The following ZNF670 variants were observed in gnomAD, a reference collection of about 807,000 sequenced individuals.
ZNF670 encodes the protein zinc finger protein 670.
ZNF670 carries 7 observed loss-of-function variants against 10.9 expected under a neutral mutation model. The observed-to-expected ratio is 0.64, with a 90% CI of 0.36 to 1.20. The LOEUF is 1.20. Among genes scored for constraint, ZNF670 ranks in the 50% most tolerant of loss-of-function variants. The pLI, the probability that ZNF670 is intolerant of heterozygous loss-of-function variation, is 0.02. For missense variants in ZNF670, 446 were observed against 458.6 expected (o/e 0.97, Z 0.25); for synonymous variants, 136 against 152.7 (o/e 0.89, Z 0.81).
At chr1:247,058,635 G>T (rs1212485260) in intron 1 of ZNF670, among the ~76,000 whole-genome samples, 1 of 148,742 alleles carries the variant, frequency 6.7e-6, no homozygotes, top group African/African-American at 2.5e-5. Context: ...CCAAACAAGG[G>T]AGAAAGACAA....
intron 1 of ZNF670, among the ~76,000 whole-genome samples, chr1:247,044,382 T>C (rs185519147): frequency 6.6e-6 from 1 of 152,334 alleles, no homozygotes; most frequent in Admixed American, 6.5e-5. Flanking sequence ...TCAGCCATTG[T>C]GAAAAGCAGT....
At chr1:247,041,349 A>G (rs907935323) in intron 1 of ZNF670, among the ~76,000 whole-genome samples, 2 of 152,262 alleles carry the variant, frequency 1.3e-5, no homozygotes, top group Non-Finnish European at 2.9e-5. Context: ...AAGAATTAGT[A>G]TGAAGTGTAA....
intron 1 of ZNF670, among the ~76,000 whole-genome samples, chr1:247,066,917 T>A (rs572151832): frequency 1.3e-5 from 2 of 152,340 alleles, no homozygotes; most frequent in East Asian, 3.9e-4. Flanking sequence ...AGAACATTTT[T>A]AAAACTACCT....
chr1:247,039,488 C>T lies in ZNF670; in HGVS notation c.53G>A (p.Trp18Ter). 6.2e-7 allele frequency: 1 copy of T among 1,606,432 alleles called. No individual in the cohort carries two copies. Among genetic ancestry groups the T allele is most frequent in the Non-Finnish European group, 8.5e-7 (1 of 1,176,958 alleles). Residue 18 changes from tryptophan (W) to a stop codon, truncating the protein, a stop_gained, in exon 2 of 4, where the codon TGG (tryptophan) becomes TAG (stop). Transcript: ENST00000366503. LOFTEE classifies it high-confidence loss of function. Reference sequence around the variant, plus strand: ...CTTTTGAGAAGGATCCAGCAAAGCCCACTCCTCCTGAGTAAAGGCCACAGC... The same window carrying T: ...CTTTTGAGAAGGATCCAGCAAAGCCTACTCCTCCTGAGTAAAGGCCACAGC... ...DVAVAFTQEEWALLDPSQKNL... is the reference protein window; with the variant it reads ...DVAVAFTQEE
chr1:247,053,023 C>A (rs1276512945), intron 1 of ZNF670, among the ~76,000 whole-genome samples: 1 of 152,070 alleles, frequency 6.6e-6, no homozygotes, highest in Non-Finnish European at 1.5e-5. Flanking sequence ...TTTCCAGGGG[C>A]ACTATGGCTG....
intron 1 of ZNF670, among the ~76,000 whole-genome samples, chr1:247,071,910 T>C (rs1442014862): frequency 1.3e-5 from 2 of 151,246 alleles, no homozygotes; most frequent in Non-Finnish European, 2.9e-5. Flanking sequence ...CAGGCTGGAG[T>C]GCAGTGGTGC....
intron 1 of ZNF670, among the ~76,000 whole-genome samples, chr1:247,054,330 G>T (rs1263584403): frequency 6.6e-6 from 1 of 152,226 alleles, no homozygotes; most frequent in African/African-American, 2.4e-5. Context: ...CAGCTGGCAT[G>T]GCTAAGGGCT....
chr1:247,076,778 A>G (rs2103075816), intron 1 of ZNF670, among the ~76,000 whole-genome samples: 1 of 151,482 alleles, frequency 6.6e-6, no homozygotes, highest in Non-Finnish European at 1.5e-5. Context: ...CTCCTGCCTC[A>G]GCCTCCTGAG....
rs927080482 is a variant in ZNF670, at chr1:247,038,740, C to G, written c.191+70G>C. ...TTCTAGTGGTTCTTAGTTGTTTTGT[C>G]TGTTTTAAAAACTTATGACATGCTA... On this transcript the variant is annotated intron_variant, in intron 3 of 3. Transcript: ENST00000366503. 7.8e-5 allele frequency: 107 copies of G among 1,366,846 alleles called. No individual in the cohort carries two copies. The African/African-American group carries it at 1.4e-3, about 18-fold the overall frequency. The allele number at this position is 1,366,846 out of a possible 1,614,324, so 84.7% of individuals were successfully genotyped here. A position where few individuals can be genotyped will look rare whatever the true frequency, so the allele number is the denominator to read the frequency against.
At position 247,054,454 on chromosome 1, in the gene ZNF670, G is replaced by A. The variant is rs143164195; in HGVS notation, c.4-14917C>T. Among the ~76,000 whole-genome samples, 376 of 152,334 alleles carry A rather than the reference G, an allele frequency of 2.5e-3. 4 individuals carry two copies. Among genetic ancestry groups the A allele is most frequent in the Non-Finnish European group, 3.4e-3 (233 of 68,028 alleles). On this transcript the variant is annotated intron_variant, in intron 1 of 3. Transcript: ENST00000366503. ...AAAGAGGACTTTGTCTTGCAACTTT[G>A]ATAAGAGCTCAGCTCCAGTAGGATA...
intron 1 of ZNF670, among the ~76,000 whole-genome samples, chr1:247,072,813 T>C (rs1316361286): frequency 0.016 from 706 of 43,242 alleles, 64 homozygotes; most frequent in African/African-American, 0.091. Flanking sequence ...TGTATATATA[T>C]ATATATATAT....
Position 247,053,684 on chromosome 1 carries a change from C to T in ZNF670, c.4-14147G>A, listed in dbSNP as rs932075944. ...AACAAAAATGGCAGGATCACATGGT[C>T]TCTTTGCCAACTTGGGTCACATTCT... is the stretch of plus-strand genomic sequence containing the variant. On this transcript the variant is annotated intron_variant, in intron 1 of 3. Transcript: ENST00000366503. Among the ~76,000 whole-genome samples the T allele has an allele frequency of 2.0e-5, 3 of 152,158 alleles. No individual in the cohort carries two copies. The East Asian group carries it at 5.8e-4, about 29-fold the overall frequency.
At chr1:247,061,111 A>G (rs1270628785) in intron 1 of ZNF670, among the ~76,000 whole-genome samples, 1 of 152,148 alleles carries the variant, frequency 6.6e-6, no homozygotes, top group East Asian at 1.9e-4. Context: ...CTCCCTTCAA[A>G]TGTTACGTAT....
At chr1:247,051,159 T>C (rs1315586806) in intron 1 of ZNF670, among the ~76,000 whole-genome samples, 6 of 151,764 alleles carry the variant, frequency 4.0e-5, no homozygotes, top group Non-Finnish European at 1.5e-5. Context: ...ATACAAAAAA[T>C]TAGCCGGGCG....
intron 1 of ZNF670, among the ~76,000 whole-genome samples, chr1:247,057,514 T>A (rs1670748705): frequency 6.6e-6 from 1 of 152,094 alleles, no homozygotes. Context: ...AGGAGATCAG[T>A]ATATTGAAAA....
intron 1 of ZNF670, among the ~76,000 whole-genome samples, chr1:247,049,657 T>C (rs1360829906): frequency 2.0e-5 from 3 of 152,236 alleles, no homozygotes; most frequent in Non-Finnish European, 4.4e-5. Context: ...AGGCATTTAA[T>C]GATACAAACT....
intron 1 of ZNF670, among the ~76,000 whole-genome samples, chr1:247,059,319 G>T (rs942625953): frequency 8.6e-5 from 13 of 151,816 alleles, no homozygotes; most frequent in African/African-American, 2.9e-4. Context: ...GGTGGAGGGC[G>T]CCTGTAGTCC....
chr1:247,059,706 C>T (rs1209847149), intron 1 of ZNF670, among the ~76,000 whole-genome samples: 1 of 152,234 alleles, frequency 6.6e-6, no homozygotes, highest in East Asian at 1.9e-4. Context: ...ATAAATAAAA[C>T]TGCCTTTCTG....
chr1:247,063,597 A>G (rs1008159397), intron 1 of ZNF670, among the ~76,000 whole-genome samples: 2 of 142,564 alleles, frequency 1.4e-5, no homozygotes, highest in Non-Finnish European at 1.5e-5. Context: ...AAAAAAAAAA[A>G]GGAAACTGGA....
Sources: gnomAD v4.1 joint callset for allele counts (sites outside exome capture counted in the v4.1 genomes callset) on GRCh38, gnomAD v4.1.1 for gene constraint, MANE v1.5 for transcripts, NCBI Gene and HGNC (gene_info 2026-07-23, HGNC 2026-07-21) for gene names.